Variants in FAM135A observed in about 807,000 individuals in gnomAD.
The protein encoded by FAM135A is family with sequence similarity 135 member A.
Under a neutral mutation model 146.8 loss-of-function variants are expected in FAM135A, and 79 were observed. The observed-to-expected ratio is 0.54, with a 90% CI of 0.45 to 0.65. The LOEUF is 0.65. Among genes scored for constraint, FAM135A ranks in the 30% least tolerant of loss-of-function variants. FAM135A has a pLI of 0.00. For missense variants in FAM135A, 1,623 were observed against 1,758.2 expected, an observed-to-expected ratio of 0.92 and a Z score of 1.38; for synonymous variants, 562 against 603.6, an observed-to-expected ratio of 0.93 and a Z score of 1.01.
At chr6:70,474,548 T>A (rs2128151371) in intron 5 of FAM135A, among the ~76,000 whole-genome samples, 1 of 152,322 alleles carries the variant, frequency 6.6e-6, no homozygotes, top group East Asian at 1.9e-4. Context: ...CTCACCAAAC[T>A]CAGCATAGTG....
intron 12 of FAM135A, among the ~76,000 whole-genome samples, chr6:70,509,629 G>A (rs2128287214): frequency 6.6e-6 from 1 of 152,188 alleles, no homozygotes; most frequent in South Asian, 2.1e-4. Context: ...ATCTGTGTAA[G>A]GCACTAATTG....
At chr6:70,503,319 G>A (rs1445317271) in intron 12 of FAM135A, 2 of 152,048 alleles carry the variant, frequency 1.3e-5, no homozygotes, top group African/African-American at 4.8e-5. Flanking sequence ...ATCTCAAGAG[G>A]TTTTACGTGT....
chr6:70,526,263 G>A lies in FAM135A; in HGVS notation c.3179G>A (p.Ser1060Asn), dbSNP rs1794668203. Residue 1060 changes from serine (S) to asparagine (N), a missense_variant, in exon 15 of 22, where the codon AGC (serine) becomes AAC (asparagine). Ser to Asn is a conservative substitution (Grantham distance 46). This residue lies in a region of FAM135A where 1,061 missense variants were observed against 1,113.8 expected (regional missense o/e 0.95). Transcript: ENST00000418814. Reference sequence around the variant, plus strand: ...TCTGACACATGTGCTGTTAGCTACAGCAATGCACTTAGCCCTCAGAAGGAA... The same window carrying A: ...TCTGACACATGTGCTGTTAGCTACAACAATGCACTTAGCCCTCAGAAGGAA... Reference protein sequence around the residue: ...DISDTCAVSYSNALSPQKETS... With the variant: ...DISDTCAVSYNNALSPQKETS... The A allele has an allele frequency of 6.2e-7, 1 of 1,613,374 alleles. No homozygotes were observed. Among genetic ancestry groups the A allele is most frequent in the African/African-American group, 1.3e-5 (1 of 74,870 alleles).
chr6:70,444,779 C>T (rs1775334334), intron 4 of FAM135A, among the ~76,000 whole-genome samples: 1 of 151,990 alleles, frequency 6.6e-6, no homozygotes, highest in Non-Finnish European at 1.5e-5. Context: ...AAGTGATGAA[C>T]AAATGGTATT....
At chr6:70,467,717 T>C (rs961939897) in intron 5 of FAM135A, among the ~76,000 whole-genome samples, 30 of 152,066 alleles carry the variant, frequency 2.0e-4, no homozygotes, top group African/African-American at 6.3e-4. Flanking sequence ...CCTTCTTTTC[T>C]CCTTTTCTTC....
In FAM135A at chr6:70,536,138, C is replaced by T. The variant is rs999511408; in HGVS notation, c.3966-122C>T. On this transcript the variant is annotated intron_variant, in intron 18 of 21. Transcript: ENST00000418814. ...TATATCATTTCAAAGTATCACTATA[C>T]TTTTACAACATTAGAAATTTTCAAA... 3.3e-6 allele frequency: 3 copies of T among 917,436 alleles called. No homozygotes were observed. In the African/African-American group the frequency reaches 5.1e-5, roughly 16 times the overall value. The allele number at this position is 917,436 out of a possible 1,614,324, so 56.8% of individuals were successfully genotyped here. A position where few individuals can be genotyped will look rare whatever the true frequency, so the allele number is the denominator to read the frequency against.
At chr6:70,416,091 A>G (rs936236763) in intron 2 of FAM135A, among the ~76,000 whole-genome samples, 3 of 152,240 alleles carry the variant, frequency 2.0e-5, no homozygotes, top group African/African-American at 7.2e-5. Context: ...ACTGTGGACT[A>G]GCACTCTATT....
intron 5 of FAM135A, among the ~76,000 whole-genome samples, chr6:70,464,833 A>ATTTTTTTTT (rs67408160): frequency 1.6e-5 from 1 of 64,322 alleles, no homozygotes; most frequent in African/African-American, 7.1e-5. Flanking sequence ...CGCCTGGCCA[A>ATTTTTTTTT]TTTTTTTTTT....
At chr6:70,552,895 A>G (rs1167114702) in intron 20 of FAM135A, among the ~76,000 whole-genome samples, 1 of 152,148 alleles carries the variant, frequency 6.6e-6, no homozygotes, top group Non-Finnish European at 1.5e-5. Context: ...TTAAAAATCA[A>G]ATCTGTTGTT....
In FAM135A at chr6:70,538,175, A is replaced by C. The variant is rs150855869; in HGVS notation, c.4118-116A>C. The C allele has an allele frequency of 1.2e-3, 657 of 554,636 alleles. 3 individuals carry two copies. The highest frequency in any genetic ancestry group is 0.01 in the African/African-American group (518 of 51,206). The allele number at this position is 554,636 out of a possible 1,614,324, so 34.4% of individuals were successfully genotyped here. A position where few individuals can be genotyped will look rare whatever the true frequency, so the allele number is the denominator to read the frequency against. ...AATATATTTTTGATTAGCCAACAAAAATGCTAATTTAGGCAATGTCATCTT... is the reference window on the plus strand; with the variant it reads ...AATATATTTTTGATTAGCCAACAAACATGCTAATTTAGGCAATGTCATCTT... On this transcript the variant is annotated intron_variant, in intron 19 of 21. Coordinates refer to ENST00000418814, the MANE Select transcript of FAM135A (RefSeq NM_001162529.3).
chr6:70,542,094 G>C (rs756319162), intron 20 of FAM135A, among the ~76,000 whole-genome samples: 6 of 152,076 alleles, frequency 3.9e-5, no homozygotes, highest in African/African-American at 1.4e-4. Context: ...TGAAGCCATA[G>C]ATTATATTGG....
intron 10 of FAM135A, among the ~76,000 whole-genome samples, chr6:70,490,397 A>G (rs939721719): frequency 6.6e-6 from 1 of 152,176 alleles, no homozygotes; most frequent in African/African-American, 2.4e-5. Flanking sequence ...TTCCTGGTAA[A>G]TATTATCATT....
intron 20 of FAM135A, among the ~76,000 whole-genome samples, chr6:70,553,184 C>T (rs1397509646): frequency 6.6e-6 from 1 of 152,152 alleles, no homozygotes; most frequent in Non-Finnish European, 1.5e-5. Flanking sequence ...AGCCTGGGGA[C>T]TTCAGCCATG....
chr6:70,503,398 A>G (rs1789014084), intron 12 of FAM135A: 1 of 152,190 alleles, frequency 6.6e-6, no homozygotes, highest in Admixed American at 6.5e-5. Flanking sequence ...TTTACGTACT[A>G]GGAGTTCCTC....
intron 16 of FAM135A, among the ~76,000 whole-genome samples, chr6:70,532,136 A>G (rs954136379): frequency 1.3e-5 from 2 of 151,936 alleles, no homozygotes; most frequent in African/African-American, 2.4e-5. Context: ...ACAGCCTCCT[A>G]AAGTGCTGGG....
intron 2 of FAM135A, among the ~76,000 whole-genome samples, chr6:70,423,399 A>G (rs1769306345): frequency 6.6e-6 from 1 of 152,164 alleles, no homozygotes; most frequent in Non-Finnish European, 1.5e-5. Flanking sequence ...TGTAACAAAG[A>G]GTTACGAGAC....
At chr6:70,553,300 A>G (rs547605394) in intron 20 of FAM135A, among the ~76,000 whole-genome samples, 62 of 152,366 alleles carry the variant, frequency 4.1e-4, no homozygotes, top group Non-Finnish European at 6.8e-4. Context: ...TTCATTAACA[A>G]TAGTTCCATA....
At chr6:70,491,759 C>T (rs540606016) in intron 11 of FAM135A, among the ~76,000 whole-genome samples, 1 of 151,964 alleles carries the variant, frequency 6.6e-6, no homozygotes, top group South Asian at 2.1e-4. Flanking sequence ...GTTTTCTCTG[C>T]AGTTCAAGTA....
intron 4 of FAM135A, among the ~76,000 whole-genome samples, chr6:70,448,686 C>T (rs939706320): frequency 2.0e-5 from 3 of 152,020 alleles, no homozygotes; most frequent in African/African-American, 4.8e-5. Context: ...AAGATTTACC[C>T]GCGTATTTAT....
Sources: gnomAD v4.1 joint callset for allele counts (sites outside exome capture counted in the v4.1 genomes callset) on GRCh38, gnomAD v4.1.1 for gene constraint, gnomAD v4.1.1 regional missense constraint, MANE v1.5 for transcripts, NCBI Gene and HGNC (gene_info 2026-07-23, HGNC 2026-07-21) for gene names.